NUMB: variants seen among roughly 807,000 people sequenced by gnomAD.
The protein encoded by NUMB is NUMB endocytic adaptor protein.
NUMB carries 29 observed loss-of-function variants against 59.7 expected under a neutral mutation model. The observed-to-expected ratio is 0.49, with a 90% CI of 0.36 to 0.66. NUMB has a LOEUF of 0.66. Ranked by LOEUF, NUMB falls within the 30% of genes least tolerant of loss-of-function variation. The pLI, the probability that NUMB is intolerant of heterozygous loss-of-function variation, is 0.00. For missense variants in NUMB, 723 were observed against 822.0 expected, an observed-to-expected ratio of 0.88 and a Z score of 1.47; for synonymous variants, 288 against 288.2, an observed-to-expected ratio of 1.00 and a Z score of 0.01.
chr14:73,429,241 G>A lies in NUMB; in HGVS notation c.-232-19173C>T, dbSNP rs181682429. On this transcript the variant is annotated intron_variant, in intron 1 of 12. Coordinates refer to ENST00000555238, the MANE Select transcript of NUMB (RefSeq NM_001005743.2). ...AAAAAAATTAGCCGGGCGTGGTGGC[G>A]AGCACCTGAAGTCCCAGCTACTCGG... Among the ~76,000 whole-genome samples the A allele has an allele frequency of 5.0e-3, 754 of 152,120 alleles. 7 individuals carry two copies. Among genetic ancestry groups the A allele is most frequent in the African/African-American group, 0.017 (713 of 41,524 alleles).
intron 11 of NUMB, among the ~76,000 whole-genome samples, chr14:73,280,082 G>A (rs927304347): frequency 1.3e-5 from 2 of 152,078 alleles, no homozygotes; most frequent in South Asian, 2.1e-4. Context: ...ACTTGAACCC[G>A]GGAGGCGGAG....
chr14:73,384,627 G>A (rs894188384), intron 2 of NUMB, among the ~76,000 whole-genome samples: 4 of 152,160 alleles, frequency 2.6e-5, no homozygotes, highest in African/African-American at 9.7e-5. Flanking sequence ...GAGTGCCATA[G>A]GGTGATCTTG....
intron 4 of NUMB, among the ~76,000 whole-genome samples, chr14:73,324,315 C>T (rs1271655751): frequency 6.6e-6 from 1 of 152,196 alleles, no homozygotes; most frequent in Admixed American, 6.5e-5. Flanking sequence ...GTCCCTATTC[C>T]TTTCTGTAGC....
chr14:73,293,707 T>C (rs1889565000), intron 7 of NUMB, among the ~76,000 whole-genome samples: 1 of 152,184 alleles, frequency 6.6e-6, no homozygotes, highest in Admixed American at 6.5e-5. Context: ...TTCTTTTTCA[T>C]AGTTTCTATT....
Position 73,279,427 on chromosome 14 carries a change from A to G in NUMB, c.1097-3T>C. ...GAAGGCTGAGTCAGTGCCATTAGCTACAACGGGAGCAGACAACATCAATGG... is the reference window on the plus strand; with the variant it reads ...GAAGGCTGAGTCAGTGCCATTAGCTGCAACGGGAGCAGACAACATCAATGG... On this transcript the variant is annotated splice_polypyrimidine_tract_variant and splice_region_variant and intron_variant, in intron 11 of 12. Transcript: ENST00000555238. 6.4e-7 allele frequency: 1 copy of G among 1,574,402 alleles called. No homozygotes were observed. Among genetic ancestry groups the G allele is most frequent in the Non-Finnish European group, 8.6e-7 (1 of 1,160,744 alleles).
chr14:73,389,479 C>T (rs1011798185), intron 2 of NUMB, among the ~76,000 whole-genome samples: 1 of 151,718 alleles, frequency 6.6e-6, no homozygotes, highest in Non-Finnish European at 1.5e-5. Context: ...CGTGCCACCA[C>T]ACCCGGCTAA....
At chr14:73,385,866 T>G (rs541369705) in intron 2 of NUMB, among the ~76,000 whole-genome samples, 1 of 152,120 alleles carries the variant, frequency 6.6e-6, no homozygotes, top group Non-Finnish European at 1.5e-5. Flanking sequence ...ATCGGAGTAA[T>G]TGAAAAATTC....
At chr14:73,376,583 A>G (rs184996221) in intron 2 of NUMB, among the ~76,000 whole-genome samples, 1 of 152,254 alleles carries the variant, frequency 6.6e-6, no homozygotes. Context: ...GAAGCAAAAG[A>G]CCCAGAATAG....
At chr14:73,403,370 A>C (rs955772880) in intron 2 of NUMB, among the ~76,000 whole-genome samples, 11 of 152,176 alleles carry the variant, frequency 7.2e-5, no homozygotes, top group African/African-American at 1.7e-4. Flanking sequence ...CATATCAGAA[A>C]CTCCACCACA....
intron 3 of NUMB, among the ~76,000 whole-genome samples, chr14:73,359,331 G>T (rs1893982707): frequency 6.6e-6 from 1 of 152,174 alleles, no homozygotes; most frequent in Non-Finnish European, 1.5e-5. Context: ...GGGCAGCAGA[G>T]AATCTGCCTC....
At chr14:73,395,825 A>T (rs2140106905) in intron 2 of NUMB, among the ~76,000 whole-genome samples, 1 of 152,244 alleles carries the variant, frequency 6.6e-6, no homozygotes, top group Middle Eastern at 3.4e-3. Flanking sequence ...GTCCTCTTTG[A>T]AAAAATGGAA....
At chr14:73,380,333 T>G (rs1459776047) in intron 2 of NUMB, among the ~76,000 whole-genome samples, 1 of 152,132 alleles carries the variant, frequency 6.6e-6, no homozygotes, top group Non-Finnish European at 1.5e-5. Flanking sequence ...ATCGGAAGAA[T>G]GGAGTTGCCA....
intron 2 of NUMB, among the ~76,000 whole-genome samples, chr14:73,399,512 G>A (rs567834244): frequency 3.3e-5 from 5 of 152,066 alleles, no homozygotes; most frequent in South Asian, 2.1e-4. Context: ...GCAGTGAGCC[G>A]AGATTGTGCC....
chr14:73,344,108 C>T (rs1467021799), intron 4 of NUMB, among the ~76,000 whole-genome samples: 1 of 152,084 alleles, frequency 6.6e-6, no homozygotes, highest in African/African-American at 2.4e-5. Context: ...CCAACTTTAT[C>T]TATGTTTTCA....
intron 3 of NUMB, among the ~76,000 whole-genome samples, chr14:73,358,221 A>G (rs903066025): frequency 6.6e-6 from 1 of 152,226 alleles, no homozygotes; most frequent in Non-Finnish European, 1.5e-5. Flanking sequence ...ATACTCAAGT[A>G]TAAGTGATAC....
chr14:73,328,032 T>C (rs1891757348), intron 4 of NUMB, among the ~76,000 whole-genome samples: 1 of 152,146 alleles, frequency 6.6e-6, no homozygotes, highest in East Asian at 1.9e-4. Flanking sequence ...CCCAGCACTT[T>C]GGGAGGTGGA....
chr14:73,366,251 A>C (rs1894338996), intron 3 of NUMB, among the ~76,000 whole-genome samples: 1 of 152,184 alleles, frequency 6.6e-6, no homozygotes, highest in African/African-American at 2.4e-5. Context: ...GCAGTTGCCC[A>C]ATTTGCTTTA....
At chr14:73,348,582 G>C (rs568965436) in intron 4 of NUMB, among the ~76,000 whole-genome samples, 1 of 152,312 alleles carries the variant, frequency 6.6e-6, no homozygotes, top group African/African-American at 2.4e-5. Flanking sequence ...ACCCACGTGA[G>C]GGATTTAGGT....
chr14:73,420,015 G>T (rs145142537), intron 1 of NUMB, among the ~76,000 whole-genome samples: 1 of 152,286 alleles, frequency 6.6e-6, no homozygotes, highest in Admixed American at 6.5e-5. Context: ...ACAGGCACAT[G>T]CCACCATGCC....
Sources: allele counts gnomAD v4.1 joint callset (sites outside exome capture counted in the v4.1 genomes callset), GRCh38; gene constraint gnomAD v4.1.1; transcripts MANE v1.5; gene names NCBI Gene and HGNC (gene_info 2026-07-23, HGNC 2026-07-21).